Variants in NDUFB1 observed in about 807,000 individuals in gnomAD.
NDUFB1 encodes the protein NADH:ubiquinone oxidoreductase subunit B1.
A neutral mutation model predicts 6.7 loss-of-function variants in NDUFB1; 6 were observed. The ratio of observed to expected loss-of-function variants is 0.89; its 90% CI spans 0.49 to 1.76. The LOEUF (loss-of-function observed/expected upper bound fraction) is 1.76. NDUFB1 is among the 40% of genes most tolerant of loss of function. The pLI is 0.01. For synonymous variants in NDUFB1, 17 were observed against 22.9 expected (o/e 0.74, Z 0.74); for missense variants, 56 against 71.0 (o/e 0.79, Z 0.76).
In NDUFB1 at chr14:92,116,171, C is replaced by T. The variant is rs759531266; in HGVS notation, c.*22G>A. On this transcript the variant is annotated 3_prime_UTR_variant, in exon 3 of 3. Transcript: ENST00000605997. ...TTCTCTCAGAACTTTAAAATGTGAA[C>T]ATTCGATAATCTAGCCAGTCTTTAC... 1.2e-6 allele frequency: 2 copies of T among 1,604,102 alleles called. No homozygotes were observed. Among genetic ancestry groups the T allele is most frequent in the East Asian group, 4.5e-5 (2 of 44,806 alleles).
Position 92,121,456 on chromosome 14 carries a change from C to A in NDUFB1, c.-6+186G>T, listed in dbSNP as rs116923202. ...GAAAACCCTTTCCAAAAGCTCCGGC[C>A]CGGAAATCCCATCCTCCACCCGAAG... On this transcript the variant is annotated intron_variant, in intron 1 of 2. Coordinates refer to ENST00000605997, the MANE Select transcript of NDUFB1 (RefSeq NM_004545.4). 5,002 of 876,904 alleles carry A rather than the reference C, an allele frequency of 5.7e-3. 29 individuals are homozygous for A. The highest frequency in any genetic ancestry group is 6.1e-3 in the Non-Finnish European group (3,605 of 587,132). 54.3% of individuals were successfully genotyped at this position (876,904 alleles called of 1,614,324 possible).
chr14:92,120,990 G>A (rs1178139029), intron 1 of NDUFB1, among the ~76,000 whole-genome samples: 7 of 151,656 alleles, frequency 4.6e-5, no homozygotes, highest in Non-Finnish European at 7.4e-5. Context: ...TGAAACCCTC[G>A]TCTCTACTAA....
intron 1 of NDUFB1, 91 bp downstream of exon 1, chr14:92,121,551 C>T: frequency 6.3e-7 from 1 of 1,579,516 alleles, no homozygotes. Context: ...CCCCTCCACA[C>T]ATGCACAGCA....
intron 1 of NDUFB1, chr14:92,120,535 A>C (rs1192394269): frequency 2.0e-5 from 3 of 151,256 alleles, no homozygotes; most frequent in Admixed American, 2.0e-4. Flanking sequence ...TTTTTGGTAG[A>C]GACGAGGTTT....
chr14:92,116,627 G>A (rs1373647506), intron 2 of NDUFB1, among the ~76,000 whole-genome samples: 3 of 151,776 alleles, frequency 2.0e-5, no homozygotes, highest in East Asian at 1.9e-4. Flanking sequence ...GAGCCACCGC[G>A]CCCGGTCAAT....
intron 2 of NDUFB1, 122 bp from the exon 3 acceptor site, chr14:92,116,351 T>TTTTGG (rs2068717553): frequency 1.2e-6 from 1 of 839,606 alleles, no homozygotes; most frequent in Non-Finnish European, 1.8e-6. Flanking sequence ...TTTTTTTTTT[T>TTTTGG]GAGACGAAGT....
chr14:92,116,326 ATTTTC>A, intron 2 of NDUFB1, 97 bp from the exon 3 acceptor site: 1 of 698,098 alleles, frequency 1.4e-6, no homozygotes, highest in Non-Finnish European at 2.1e-6. Flanking sequence ...GCAATATTTC[ATTTTC>A]TTTTTTTTTT....
rs1202292476 is a variant in NDUFB1, at chr14:92,117,570, A to G, written c.68T>C (p.Ile23Thr). Residue 23 changes from isoleucine to threonine, a missense_variant, in exon 2 of 3, where the codon ATT (isoleucine) becomes ACT (threonine). By Grantham distance (89) the Ile-to-Thr change is moderately conservative. Coordinates refer to ENST00000605997, the MANE Select transcript of NDUFB1 (RefSeq NM_004545.4). Reference sequence around the variant, plus strand: ...ACTCTTTCTGTCTAAATAACATCCAATGACAAATCCCATAGGGACAAGAAC... The same window carrying G: ...ACTCTTTCTGTCTAAATAACATCCAGTGACAAATCCCATAGGGACAAGAAC... ...VHVLVPMGFVIGCYLDRKSDE... is the reference protein window; with the variant it reads ...VHVLVPMGFVTGCYLDRKSDE... 2.2e-5 allele frequency: 35 copies of G among 1,614,042 alleles called. No individual in the cohort carries two copies. Among genetic ancestry groups the G allele is most frequent in the East Asian group, 8.9e-5 (4 of 44,886 alleles).
rs1405747096 is a variant in NDUFB1, at chr14:92,116,258, G to T, written c.141-29C>A. The T allele has an allele frequency of 3.1e-6, 5 of 1,597,192 alleles. No individual in the cohort carries two copies. The Admixed American group carries it at 8.4e-5, about 27-fold the overall frequency. On this transcript the variant is annotated intron_variant, in intron 2 of 2. Transcript: ENST00000605997. ...TGTGGAAAGCAAAAAAGGAAGAAAT[G>T]GAAAAACTGTAAATAAAACTGTGAT... is the stretch of plus-strand genomic sequence containing the variant.
chr14:92,118,924 AG>A (rs2068733874), intron 1 of NDUFB1: 1 of 347,638 alleles, frequency 2.9e-6, no homozygotes, highest in African/African-American at 2.2e-5. Context: ...CAGTGAGCTG[AG>A]ATGACGCCAC....
At chr14:92,118,749 GACGACAACAA>G (rs2068732840) in intron 1 of NDUFB1, 4 of 159,938 alleles carry the variant, frequency 2.5e-5, no homozygotes. Context: ...GAGGCGGGTG[GACGACAACAA>G]GGTCAGGAGT....
At chr14:92,116,433 A>T (rs2068718387) in intron 2 of NDUFB1, among the ~76,000 whole-genome samples, 1 of 145,172 alleles carries the variant, frequency 6.9e-6, no homozygotes, top group African/African-American at 2.6e-5. Context: ...TCCTGGCTTC[A>T]AGCGATTATC....
chr14:92,116,658 G>T (rs752630095), intron 2 of NDUFB1, among the ~76,000 whole-genome samples: 1 of 151,844 alleles, frequency 6.6e-6, no homozygotes, highest in Non-Finnish European at 1.5e-5. Flanking sequence ...CTATTACACC[G>T]ATCCATTTAA....
intron 2 of NDUFB1, 36 bp from the exon 3 acceptor site, chr14:92,116,265 C>T (rs1339311989): frequency 1.6e-5 from 25 of 1,582,232 alleles, no homozygotes; most frequent in Non-Finnish European, 2.1e-5. Context: ...AATGGAAAAA[C>T]TGTAAATAAA....
intron 1 of NDUFB1, chr14:92,117,971 C>A: frequency 3.3e-6 from 1 of 299,268 alleles, no homozygotes. Flanking sequence ...GTACTTCAGC[C>A]TGGGCGACAG....
At chr14:92,117,718 C>A in intron 1 of NDUFB1, 76 bp from the exon 2 acceptor site, 19 of 1,450,922 alleles carry the variant, frequency 1.3e-5, no homozygotes, top group South Asian at 1.1e-4. Flanking sequence ...TGCATCTGGG[C>A]CAGGTGCGGT....
At position 92,121,646 on chromosome 14, in the gene NDUFB1, A is replaced by G. The variant is rs1443699535; in HGVS notation, c.-10T>C. ...CCCCGGGCTCCCCAAACCCACCTGC[A>G]GCCTCAGCGCCTACAGCGACCCCGA... On this transcript the variant is annotated 5_prime_UTR_variant, in exon 1 of 3. Transcript: ENST00000605997. 6.2e-7 allele frequency: 1 copy of G among 1,606,984 alleles called. No individual in the cohort carries two copies. Among genetic ancestry groups the G allele is most frequent in the Non-Finnish European group, 8.5e-7 (1 of 1,177,718 alleles).
At chr14:92,118,753 A>T (rs1355262001) in intron 1 of NDUFB1, 1 of 159,106 alleles carries the variant, frequency 6.3e-6, no homozygotes, top group African/African-American at 2.4e-5. Context: ...CGGGTGGACG[A>T]CAACAAGGTC....
chr14:92,116,308 G>A, intron 2 of NDUFB1, 79 bp from the exon 3 acceptor site: 2 of 894,770 alleles, frequency 2.2e-6, no homozygotes, highest in South Asian at 1.5e-5. Context: ...GAAGTCAGAA[G>A]AATGATTGCA....
Sources: allele counts gnomAD v4.1 joint callset (sites outside exome capture counted in the v4.1 genomes callset), GRCh38; gene constraint gnomAD v4.1.1; transcripts MANE v1.5; gene names NCBI Gene and HGNC (gene_info 2026-07-23, HGNC 2026-07-21).